MARCHF4: variants seen among roughly 807,000 people sequenced by gnomAD.
The protein encoded by MARCHF4 is E3 ubiquitin-protein ligase MARCHF4.
MARCHF4 carries 14 observed loss-of-function variants against 43.9 expected under a neutral mutation model. The observed-to-expected ratio is 0.32, with a 90% CI of 0.21 to 0.50. The LOEUF is 0.50. MARCHF4 is among the 20% of genes least tolerant of loss of function. The probability of loss-of-function intolerance (pLI) is 0.98; values close to 1 mark genes in which losing one functional copy is unlikely to be tolerated. For synonymous variants in MARCHF4, 226 were observed against 213.3 expected, an observed-to-expected ratio of 1.06 and a Z score of -0.52; for missense variants, 468 against 536.7, an observed-to-expected ratio of 0.87 and a Z score of 1.27.
At chr2:216,278,400 AT>A (rs1198771281) in intron 2 of MARCHF4, among the ~76,000 whole-genome samples, 3 of 151,806 alleles carry the variant, frequency 2.0e-5, no homozygotes, top group Non-Finnish European at 4.4e-5. Context: ...ATTTTTTTGT[AT>A]TTTTTAGTAG....
At chr2:216,352,828 A>G (rs1692422241) in intron 1 of MARCHF4, among the ~76,000 whole-genome samples, 1 of 152,174 alleles carries the variant, frequency 6.6e-6, no homozygotes. Context: ...TTACCATACT[A>G]TATCTTAATT....
At chr2:216,332,637 G>A (rs1559101692) in intron 1 of MARCHF4, among the ~76,000 whole-genome samples, 1 of 152,088 alleles carries the variant, frequency 6.6e-6, no homozygotes, top group Non-Finnish European at 1.5e-5. Flanking sequence ...TATAAAAGAT[G>A]TGCAAGACCT....
intron 1 of MARCHF4, among the ~76,000 whole-genome samples, chr2:216,286,097 C>T (rs544526116): frequency 2.3e-4 from 35 of 152,290 alleles, no homozygotes; most frequent in East Asian, 3.9e-4. Flanking sequence ...AAAGGAGGAG[C>T]GTGACCTGGC....
rs1361957488 is a variant in MARCHF4, at chr2:216,372,377, C to G, written c.-2117G>C. On this transcript the variant is annotated 5_prime_UTR_variant, in exon 1 of 4. Coordinates refer to ENST00000273067, the MANE Select transcript of MARCHF4 (RefSeq NM_020814.3). Reference sequence around the variant, plus strand: ...CAGCTCCCACCCAGACCCCGCGCGTCACGCTCGTGGGGGCCTGACGCAGAC... The same window carrying G: ...CAGCTCCCACCCAGACCCCGCGCGTGACGCTCGTGGGGGCCTGACGCAGAC... 6.6e-6 allele frequency among the ~76,000 whole-genome samples: 1 copy of G among 152,070 alleles called. No homozygotes were observed. Among genetic ancestry groups the G allele is most frequent in the Non-Finnish European group, 1.5e-5 (1 of 68,022 alleles).
At chr2:216,271,630 T>C (rs1480325006) in intron 3 of MARCHF4, among the ~76,000 whole-genome samples, 1 of 152,198 alleles carries the variant, frequency 6.6e-6, no homozygotes, top group African/African-American at 2.4e-5. Flanking sequence ...CTCAAGTTCC[T>C]CTTTCCTGGG....
At chr2:216,302,908 A>T (rs1488110020) in intron 1 of MARCHF4, among the ~76,000 whole-genome samples, 2 of 84,218 alleles carry the variant, frequency 2.4e-5, no homozygotes, top group African/African-American at 5.7e-5. Flanking sequence ...AAAAAAAAAA[A>T]AAAAAAAAAA....
chr2:216,370,366 C>A lies in MARCHF4; in HGVS notation c.-106G>T. On this transcript the variant is annotated 5_prime_UTR_variant, in exon 1 of 4. Transcript: ENST00000273067. The stretch of plus-strand genomic sequence containing the variant: ...AGTGGATCTGTGTTGTGGGGGGAGT[C>A]TGCTTTCTCACTGGCTTTTCTTACA... 1 of 885,748 alleles carries A rather than the reference C, an allele frequency of 1.1e-6. No homozygotes were observed. The highest frequency in any genetic ancestry group is 2.8e-5 in the East Asian group (1 of 36,096). The allele number at this position is 885,748 out of a possible 1,614,324, so 54.9% of individuals were successfully genotyped here.
chr2:216,335,373 T>A (rs1692141344), intron 1 of MARCHF4, among the ~76,000 whole-genome samples: 1 of 152,168 alleles, frequency 6.6e-6, no homozygotes, highest in Non-Finnish European at 1.5e-5. Context: ...TCCAAAACAA[T>A]CCTGTGAATT....
Position 216,259,128 on chromosome 2 carries a change from G to T in MARCHF4, c.*184C>A. On this transcript the variant is annotated 3_prime_UTR_variant, in exon 4 of 4. Transcript: ENST00000273067. ...GTTGTTGTGGAGAGTGGCATTGACTGATTGGAAATAGCAGAACTGCTCCTG... is the reference window on the plus strand; with the variant it reads ...GTTGTTGTGGAGAGTGGCATTGACTTATTGGAAATAGCAGAACTGCTCCTG... 1 of 715,984 alleles carries T rather than the reference G, an allele frequency of 1.4e-6. No individual in the cohort carries two copies. Among genetic ancestry groups the T allele is most frequent in the Admixed American group, 2.8e-5 (1 of 35,276 alleles). The allele number at this position is 715,984 out of a possible 1,614,324, so 44.4% of individuals were successfully genotyped here.
At chr2:216,333,435 GA>G (rs1692110983) in intron 1 of MARCHF4, among the ~76,000 whole-genome samples, 1 of 152,216 alleles carries the variant, frequency 6.6e-6, no homozygotes, top group African/African-American at 2.4e-5. Context: ...AAACCAAAAT[GA>G]GATGTCATAT....
At chr2:216,339,126 A>G (rs1276480999) in intron 1 of MARCHF4, among the ~76,000 whole-genome samples, 1 of 152,098 alleles carries the variant, frequency 6.6e-6, no homozygotes, top group East Asian at 1.9e-4. Context: ...CCAGTCTTTG[A>G]CCTCAGGATT....
At chr2:216,349,305 C>T (rs1692364037) in intron 1 of MARCHF4, among the ~76,000 whole-genome samples, 1 of 152,296 alleles carries the variant, frequency 6.6e-6, no homozygotes, top group East Asian at 1.9e-4. Flanking sequence ...AAAACAAAAA[C>T]AAGTTTTTCT....
At chr2:216,368,782 C>G (rs1034019495) in intron 1 of MARCHF4, among the ~76,000 whole-genome samples, 3 of 152,194 alleles carry the variant, frequency 2.0e-5, no homozygotes, top group African/African-American at 7.2e-5. Context: ...ACTGCGTGAG[C>G]CTTTCTATCT....
At chr2:216,346,369 A>C (rs1355473208) in intron 1 of MARCHF4, among the ~76,000 whole-genome samples, 1 of 151,692 alleles carries the variant, frequency 6.6e-6, no homozygotes, top group East Asian at 1.9e-4. Flanking sequence ...TTGTGCATAT[A>C]GTTAATGCTT....
chr2:216,349,986 C>A (rs762261569), intron 1 of MARCHF4, among the ~76,000 whole-genome samples: 12 of 152,114 alleles, frequency 7.9e-5, no homozygotes, highest in Non-Finnish European at 1.3e-4. Context: ...TGCTCAGGGG[C>A]CTCTGGGCCT....
chr2:216,369,695 C>A (rs1460207248), intron 1 of MARCHF4, 50 bp downstream of exon 1: 3 of 1,475,084 alleles, frequency 2.0e-6, no homozygotes, highest in African/African-American at 2.8e-5. Flanking sequence ...TAGCAATCTG[C>A]AAGACCTGAA....
chr2:216,268,063 G>A (rs534168307), intron 3 of MARCHF4, among the ~76,000 whole-genome samples: 15 of 152,286 alleles, frequency 9.8e-5, no homozygotes, highest in East Asian at 1.9e-4. Flanking sequence ...GCATCATCTC[G>A]CCAGTTTCTA....
At chr2:216,308,624 T>G (rs913201685) in intron 1 of MARCHF4, among the ~76,000 whole-genome samples, 2 of 152,204 alleles carry the variant, frequency 1.3e-5, no homozygotes, top group Admixed American at 1.3e-4. Flanking sequence ...AACTCTGAGT[T>G]GTGATCCTTC....
At chr2:216,294,646 G>A (rs1342643754) in intron 1 of MARCHF4, among the ~76,000 whole-genome samples, 1 of 152,164 alleles carries the variant, frequency 6.6e-6, no homozygotes, top group Non-Finnish European at 1.5e-5. Context: ...CACCTGGGAG[G>A]CTTGTTACGC....
Sources: allele counts gnomAD v4.1 joint callset (sites outside exome capture counted in the v4.1 genomes callset), GRCh38; gene constraint gnomAD v4.1.1; transcripts MANE v1.5; gene names NCBI Gene and HGNC (gene_info 2026-07-23, HGNC 2026-07-21).